Variants in DNAH9 observed in about 807,000 individuals in gnomAD.
DNAH9 encodes the protein dynein axonemal heavy chain 9, also known as DNAH9 variant protein.
DNAH9 carries 345 observed loss-of-function variants against 471.6 expected under a neutral mutation model. That is an observed-to-expected ratio of 0.73 (90% CI 0.67 to 0.80). The LOEUF (loss-of-function observed/expected upper bound fraction) is 0.80, where lower values mean the gene tolerates loss of function less well. Ranked by LOEUF, DNAH9 falls within the 30% of genes least tolerant of loss-of-function variation. DNAH9 has a pLI of 0.00. For missense variants in DNAH9, 5,407 were observed against 5,609.2 expected (o/e 0.96, Z 1.15); for synonymous variants, 2,093 against 2,123.6 (o/e 0.99, Z 0.40).
intron 1 of DNAH9, among the ~76,000 whole-genome samples, chr17:11,599,629 G>A (rs1318110185): frequency 6.6e-6 from 1 of 152,176 alleles, no homozygotes; most frequent in East Asian, 1.9e-4. Flanking sequence ...TGGCACCACA[G>A]CAGAAGCTTC....
intron 61 of DNAH9, among the ~76,000 whole-genome samples, chr17:11,916,034 G>C (rs895716311): frequency 2.0e-5 from 3 of 152,164 alleles, no homozygotes; most frequent in Non-Finnish European, 4.4e-5. Context: ...ACTGTTATCA[G>C]AGCTAAGTTA....
chr17:11,712,112 A>G (rs71369656), intron 26 of DNAH9, among the ~76,000 whole-genome samples: 9,955 of 22,078 alleles, frequency 0.45, 4,548 homozygotes, highest in Non-Finnish European at 0.96. Context: ...ATAAATATAT[A>G]TATTTATATA....
At chr17:11,774,484 A>G (rs1174326755) in intron 38 of DNAH9, among the ~76,000 whole-genome samples, 1 of 152,132 alleles carries the variant, frequency 6.6e-6, no homozygotes, top group Non-Finnish European at 1.5e-5. Context: ...GCAAAGGAGG[A>G]GCAAAAGCAC....
chr17:11,924,249 C>A (rs568647959), intron 62 of DNAH9, among the ~76,000 whole-genome samples: 93 of 152,260 alleles, frequency 6.1e-4, no homozygotes, highest in African/African-American at 2.1e-3. Flanking sequence ...ACGTTGAAGG[C>A]CCTGGCAGCT....
At chr17:11,637,684 G>T (rs1192165722) in intron 9 of DNAH9, among the ~76,000 whole-genome samples, 6 of 152,114 alleles carry the variant, frequency 3.9e-5, no homozygotes, top group African/African-American at 1.4e-4. Flanking sequence ...TCAATAAGTC[G>T]TTATTGGACT....
intron 59 of DNAH9, among the ~76,000 whole-genome samples, chr17:11,896,760 T>C (rs1048795938): frequency 5.3e-5 from 8 of 152,226 alleles, no homozygotes; most frequent in Non-Finnish European, 8.8e-5. Context: ...TAAGTAATTT[T>C]AAATTTTCTA....
chr17:11,745,196 T>C, intron 31 of DNAH9, 112 bp downstream of exon 31: 1 of 878,204 alleles, frequency 1.1e-6, no homozygotes. Context: ...CAAATATGTA[T>C]CTAGTTAGTA....
chr17:11,966,583 T>C (rs1976744458), intron 68 of DNAH9, among the ~76,000 whole-genome samples: 1 of 152,210 alleles, frequency 6.6e-6, no homozygotes, highest in Non-Finnish European at 1.5e-5. Context: ...ATAGTATAAA[T>C]GCATCATTTG....
At chr17:11,817,731 T>A (rs1045962690) in intron 45 of DNAH9, among the ~76,000 whole-genome samples, 1 of 152,232 alleles carries the variant, frequency 6.6e-6, no homozygotes, top group Admixed American at 6.5e-5. Flanking sequence ...CAGAAGAGGC[T>A]GAAATGAGTC....
chr17:11,616,289 C>T (rs1201913586), intron 4 of DNAH9, among the ~76,000 whole-genome samples: 3 of 152,118 alleles, frequency 2.0e-5, no homozygotes, highest in Admixed American at 1.3e-4. Context: ...GAACAATTCC[C>T]GGCATATTGA....
rs368137520 is a variant in DNAH9 at position 11,791,618 on chromosome 17, C to A, written c.8062-1885C>A. ...TCCAACTGTTCAGGAGGCTGAGGCA[C>A]GAGAATTGCTTGAACCCGGGAGGTG... On this transcript the variant is annotated intron_variant, in intron 41 of 68. Transcript: ENST00000262442. Among the ~76,000 whole-genome samples the A allele has an allele frequency of 1.3e-4, 20 of 151,832 alleles. 2 individuals carry two copies. In the East Asian group the frequency reaches 3.7e-3, roughly 28 times the overall value.
At chr17:11,724,984 C>T (rs2075127578) in intron 27 of DNAH9, among the ~76,000 whole-genome samples, 1 of 152,198 alleles carries the variant, frequency 6.6e-6, no homozygotes, top group Non-Finnish European at 1.5e-5. Flanking sequence ...ATTAGATTCT[C>T]ATAAGGATCA....
intron 39 of DNAH9, among the ~76,000 whole-genome samples, chr17:11,782,095 A>C (rs1968694513): frequency 6.6e-6 from 1 of 152,022 alleles, no homozygotes; most frequent in South Asian, 2.1e-4. Flanking sequence ...GAATTCAGAG[A>C]GAAGAATGTT....
Position 11,611,742 on chromosome 17 carries a change from T to G in DNAH9, c.866T>G (p.Phe289Cys), listed in dbSNP as rs1189370564. The G allele has an allele frequency of 6.2e-7, 1 of 1,613,996 alleles. No homozygotes were observed. The highest frequency in any genetic ancestry group is 8.5e-7 in the Non-Finnish European group (1 of 1,179,938). The change falls in exon 4 of 69, where the codon TTT becomes TGT. Residue 289 changes from phenylalanine to cysteine, a missense_variant. Transcript: ENST00000262442. ...CTGGACAAGCTTCAGAGTAGCTACT[T>G]TCCAGCTTTCAAAGCCATGTACAGA... ...KLLDKLQSSY[F>C]PAFKAMYRDV... is the part of the protein sequence containing the mutation.
Position 11,669,644 on chromosome 17 carries a change from T to C in DNAH9, c.3203T>C (p.Leu1068Pro). Residue 1068 changes from leucine (L) to proline (P), a missense_variant, in exon 17 of 69, where the codon CTC becomes CCC. Leu to Pro is a moderately conservative substitution (Grantham distance 98). Coordinates refer to ENST00000262442, the MANE Select transcript of DNAH9 (RefSeq NM_001372.4). ...FKVQIDSYETLYEEVCRLEPI... is the reference protein window; with the variant it reads ...FKVQIDSYETPYEEVCRLEPI... Reference sequence around the variant, plus strand: ...GTGCAAATCGACTCCTATGAAACGCTCTATGAAGAGGTGTGCAGGCTGGAA... The same window carrying C: ...GTGCAAATCGACTCCTATGAAACGCCCTATGAAGAGGTGTGCAGGCTGGAA... The C allele has an allele frequency of 6.2e-7, 1 of 1,614,172 alleles. No homozygotes were observed. Among genetic ancestry groups the C allele is most frequent in the Non-Finnish European group, 8.5e-7 (1 of 1,180,044 alleles).
intron 28 of DNAH9, among the ~76,000 whole-genome samples, chr17:11,737,586 A>G (rs542865312): frequency 2.0e-5 from 3 of 152,092 alleles, no homozygotes; most frequent in African/African-American, 7.2e-5. Flanking sequence ...TCTGTTGCTG[A>G]TCATTTTTGC....
At chr17:11,643,830 C>T (rs916843672) in intron 10 of DNAH9, among the ~76,000 whole-genome samples, 2 of 152,204 alleles carry the variant, frequency 1.3e-5, no homozygotes. Flanking sequence ...ACCTGTGCAG[C>T]GAGTGACTGT....
At chr17:11,860,889 T>C (rs1305446833) in intron 50 of DNAH9, among the ~76,000 whole-genome samples, 1 of 152,176 alleles carries the variant, frequency 6.6e-6, no homozygotes, top group African/African-American at 2.4e-5. Flanking sequence ...TGCTTTTGTC[T>C]GGTGAGAAGT....
chr17:11,712,752 C>T (rs1597524582), intron 26 of DNAH9, among the ~76,000 whole-genome samples: 1 of 151,656 alleles, frequency 6.6e-6, no homozygotes, highest in Non-Finnish European at 1.5e-5. Context: ...TATCTTTTGC[C>T]TATTGTTTGG....
Sources: allele counts gnomAD v4.1 joint callset (sites outside exome capture counted in the v4.1 genomes callset), GRCh38; gene constraint gnomAD v4.1.1; transcripts MANE v1.5; gene names NCBI Gene and HGNC (gene_info 2026-07-23, HGNC 2026-07-21).